The following EPHX2 variants were observed in gnomAD, a reference collection of about 807,000 sequenced individuals.
EPHX2 encodes the protein bifunctional epoxide hydrolase 2.
A neutral mutation model predicts 78.7 loss-of-function variants in EPHX2; 74 were observed. The observed-to-expected ratio is 0.94, with a 90% CI of 0.78 to 1.14. EPHX2 has a LOEUF of 1.14. Ranked by LOEUF, EPHX2 falls within the 50% of genes most tolerant of loss-of-function variation. EPHX2 has a pLI of 0.00. For missense variants in EPHX2, 715 were observed against 702.5 expected, an observed-to-expected ratio of 1.02 and a Z score of -0.20; for synonymous variants, 251 against 255.2, an observed-to-expected ratio of 0.98 and a Z score of 0.16.
intron 1 of EPHX2, among the ~76,000 whole-genome samples, chr8:27,494,621 C>A (rs1563336422): frequency 6.6e-6 from 1 of 152,146 alleles, no homozygotes; most frequent in Non-Finnish European, 1.5e-5. Context: ...TAGATAGTGC[C>A]CTATTCTTTG....
chr8:27,541,653 G>A, intron 16 of EPHX2, 111 bp downstream of exon 16: 1 of 1,089,594 alleles, frequency 9.2e-7, no homozygotes, highest in Non-Finnish European at 1.4e-6. Flanking sequence ...GGACAGATCT[G>A]CTGGCCACCT....
At position 27,540,655 on chromosome 8, in the gene EPHX2, A is replaced by G. The variant is rs894833073; in HGVS notation, c.1378A>G (p.Arg460Gly). ...GCAGCAGTTCAAGAAGTCTGGTTTC[A>G]GGTAAAGAGAGCACAGGGCCCAGAC... The part of the protein sequence containing the change: ...YVQQFKKSGF[R>G]GPLNWYRNME... Residue 460 changes from arginine to glycine, a missense_variant and splice_region_variant, in exon 15 of 19, where the codon AGA (arginine) becomes GGA (glycine). Physicochemically the swap from Arg to Gly is moderately radical, Grantham distance 125 (BLOSUM62 -2). Coordinates refer to ENST00000521400, the MANE Select transcript of EPHX2 (RefSeq NM_001979.6). The G allele has an allele frequency of 1.9e-6, 3 of 1,613,392 alleles. No homozygotes were observed. The highest frequency in any genetic ancestry group is 2.7e-5 in the African/African-American group (2 of 74,928).
chr8:27,539,548 A>G (rs1385423350), intron 14 of EPHX2, among the ~76,000 whole-genome samples: 1 of 152,056 alleles, frequency 6.6e-6, no homozygotes, highest in Non-Finnish European at 1.5e-5. Flanking sequence ...CCCCACACCC[A>G]CATTCCCTTA....
chr8:27,538,055 C>T (rs1794147020), intron 13 of EPHX2, among the ~76,000 whole-genome samples: 1 of 152,162 alleles, frequency 6.6e-6, no homozygotes, highest in African/African-American at 2.4e-5. Context: ...TTGTTTACTT[C>T]ACACCTTGAG....
intron 12 of EPHX2, among the ~76,000 whole-genome samples, chr8:27,525,734 C>T (rs1814820499): frequency 6.6e-6 from 1 of 152,144 alleles, no homozygotes. Flanking sequence ...GGTGTCTCTG[C>T]AATTGCAGAG....
chr8:27,491,622 G>A (rs894432367), intron 1 of EPHX2, among the ~76,000 whole-genome samples: 2 of 152,164 alleles, frequency 1.3e-5, no homozygotes, highest in African/African-American at 2.4e-5. Context: ...TTAAAGATGC[G>A]AGCCGAGATT....
At chr8:27,512,947 CA>C (rs1254214476) in intron 6 of EPHX2, among the ~76,000 whole-genome samples, 1 of 152,230 alleles carries the variant, frequency 6.6e-6, no homozygotes, top group Non-Finnish European at 1.5e-5. Flanking sequence ...CAGCAGCTGA[CA>C]AACAGGAGAA....
intron 5 of EPHX2, among the ~76,000 whole-genome samples, chr8:27,509,631 G>A (rs1036227723): frequency 2.6e-5 from 4 of 151,914 alleles, no homozygotes; most frequent in African/African-American, 4.8e-5. Context: ...CACCTGCCTC[G>A]GCCTCCCAAA....
At chr8:27,519,128 A>G (rs1268102672) in intron 9 of EPHX2, among the ~76,000 whole-genome samples, 2 of 152,228 alleles carry the variant, frequency 1.3e-5, no homozygotes, top group African/African-American at 4.8e-5. Flanking sequence ...TTACCCAAGA[A>G]AATCGATGAC....
intron 1 of EPHX2, among the ~76,000 whole-genome samples, chr8:27,498,014 C>T (rs530839720): frequency 3.9e-5 from 6 of 152,270 alleles, no homozygotes; most frequent in African/African-American, 7.2e-5. Context: ...CAGCTAAAGC[C>T]GCATTCTTTT....
chr8:27,508,973 T>TTTTTTTTTTTTGG (rs1814128904), intron 5 of EPHX2, among the ~76,000 whole-genome samples: 2 of 136,776 alleles, frequency 1.5e-5, no homozygotes, highest in Non-Finnish European at 3.1e-5. Context: ...TTTTTTTTTT[T>TTTTTTTTTTTTGG]GCTAGGGCTG....
intron 3 of EPHX2, 39 bp from the exon 4 acceptor site, chr8:27,504,917 G>T (rs755181721): frequency 6.2e-7 from 1 of 1,608,472 alleles, no homozygotes; most frequent in Non-Finnish European, 8.5e-7. Context: ...CAGGGCAAAG[G>T]TCTGTAGCTG....
chr8:27,535,025 G>A (rs1815167101), intron 12 of EPHX2, among the ~76,000 whole-genome samples: 2 of 152,350 alleles, frequency 1.3e-5, no homozygotes, highest in South Asian at 4.1e-4. Context: ...GAAAACACAT[G>A]CAGAACAGTT....
At chr8:27,547,026 T>C (rs1000704359), downstream of EPHX2, among the ~76,000 whole-genome samples, 1 of 152,052 alleles carries the variant, frequency 6.6e-6, no homozygotes, top group Non-Finnish European at 1.5e-5. Context: ...CTACACACTT[T>C]TATAAACAAC....
chr8:27,522,321 G>T, intron 10 of EPHX2, 102 bp from the exon 11 acceptor site: 1 of 1,070,570 alleles, frequency 9.3e-7, no homozygotes, highest in Admixed American at 2.0e-5. Context: ...GTGGGTCGGG[G>T]GAGGAGACCC....
intron 1 of EPHX2, among the ~76,000 whole-genome samples, chr8:27,492,154 C>T (rs1305735048): frequency 6.6e-6 from 1 of 152,112 alleles, no homozygotes; most frequent in Non-Finnish European, 1.5e-5. Flanking sequence ...TGTTAAAGAG[C>T]AGAGCCAGAA....
intron 11 of EPHX2, 30 bp downstream of exon 11, chr8:27,522,538 G>T (rs1814687817): frequency 1.2e-6 from 2 of 1,606,096 alleles, no homozygotes; most frequent in Non-Finnish European, 1.7e-6. Flanking sequence ...TAAAGATTTG[G>T]AGGAGGCTGG....
At chr8:27,501,892 CACTTG>C (rs1284223615) in intron 2 of EPHX2, among the ~76,000 whole-genome samples, 3 of 151,780 alleles carry the variant, frequency 2.0e-5, no homozygotes, top group Non-Finnish European at 4.4e-5. Context: ...AGGCTATTTA[CACTTG>C]ACTTGTCTTA....
intron 11 of EPHX2, among the ~76,000 whole-genome samples, chr8:27,524,479 C>G (rs721619): frequency 0.26 from 39,245 of 152,132 alleles, 5,579 homozygotes; most frequent in Non-Finnish European, 0.32. Flanking sequence ...TTGGTTCTTA[C>G]AGCACCAAAT....
Sources: allele counts gnomAD v4.1 joint callset (sites outside exome capture counted in the v4.1 genomes callset), GRCh38; gene constraint gnomAD v4.1.1; transcripts MANE v1.5; gene names NCBI Gene and HGNC (gene_info 2026-07-23, HGNC 2026-07-21).